Variants in PJVK observed in about 807,000 individuals in gnomAD.
The protein encoded by PJVK is pejvakin.
In PJVK, 33 loss-of-function variants were observed where a neutral mutation model predicts 37.6. That is an observed-to-expected ratio of 0.88 (90% CI 0.67 to 1.17). The LOEUF is 1.17. Among genes scored for constraint, PJVK ranks in the 50% most tolerant of loss-of-function variants. The pLI is 0.00. For synonymous variants in PJVK, 141 were observed against 143.5 expected, an observed-to-expected ratio of 0.98 and a Z score of 0.13; for missense variants, 410 against 413.8, an observed-to-expected ratio of 0.99 and a Z score of 0.08.
intron 1 of PJVK, chr2:178,451,976 A>G (rs764492133): frequency 1.4e-4 from 69 of 504,974 alleles, no homozygotes; most frequent in Admixed American, 3.2e-4. Flanking sequence ...GCACAATGCT[A>G]TTCGTACGAA....
Position 178,454,417 on chromosome 2 carries a change from C to T in PJVK, c.297C>T (p.Asp99=), listed in dbSNP as rs375853744. 54 of 1,613,766 alleles carry T rather than the reference C, an allele frequency of 3.3e-5. No individual in the cohort carries two copies. The highest frequency in any genetic ancestry group is 1.9e-4 in the African/African-American group (14 of 74,878). The stretch of plus-strand genomic sequence containing the variant: ...GGCGAGGTAACCATATTGTAAATGA[C>T]GTTGGGATTAACGTTGCTGGATCAG... The part of the protein sequence containing the change: ...YGRRGNHIVN[D]VGINVAGSDS... Residue 99 remains aspartate, a synonymous_variant, in exon 3 of 7, where the codon GAC becomes GAT. Coordinates refer to ENST00000644580, the MANE Select transcript of PJVK (RefSeq NM_001042702.5).
intron 2 of PJVK, chr2:178,454,012 G>C (rs532392747): frequency 6.3e-6 from 2 of 318,990 alleles, no homozygotes; most frequent in South Asian, 7.6e-5. Context: ...TGTATTGAAG[G>C]GTAGGTTATA....
At position 178,451,717 on chromosome 2, in the gene PJVK, C is replaced by T. The variant is rs1697673886; in HGVS notation, c.-75C>T. 4 of 963,644 alleles carry T rather than the reference C, an allele frequency of 4.2e-6. No individual in the cohort carries two copies. Among genetic ancestry groups the T allele is most frequent in the Non-Finnish European group, 3.7e-6 (3 of 810,220 alleles). 59.7% of individuals were successfully genotyped at this position (963,644 alleles called of 1,614,324 possible). A position where few individuals can be genotyped will look rare whatever the true frequency, so the allele number is the denominator to read the frequency against. On this transcript the variant is annotated 5_prime_UTR_variant, in exon 1 of 7. Transcript: ENST00000644580. The stretch of plus-strand genomic sequence containing the variant: ...GACGTCCAAACACCCGCTCCTCTCC[C>T]GCCGGGCGGGCTCCTTTGTCTTCTG...
In PJVK at chr2:178,461,532, T is replaced by C. The variant is rs539407734; in HGVS notation, c.*258T>C. On this transcript the variant is annotated 3_prime_UTR_variant, in exon 7 of 7. Transcript: ENST00000644580. The stretch of plus-strand genomic sequence containing the variant: ...TATAAAATTCAGAGATTATGAATCA[T>C]GCCAGTCACTTTAGAATCATTTTTG... 3.2e-4 allele frequency: 129 copies of C among 404,220 alleles called. 2 individuals carry two copies. The South Asian group carries it at 3.3e-3, about 10-fold the overall frequency. 25.0% of individuals were successfully genotyped at this position (404,220 alleles called of 1,614,324 possible).
chr2:178,451,725 G>A lies in PJVK; in HGVS notation c.-67G>A, dbSNP rs1697674562. On this transcript the variant is annotated 5_prime_UTR_variant, in exon 1 of 7. Coordinates refer to ENST00000644580, the MANE Select transcript of PJVK (RefSeq NM_001042702.5). Reference sequence around the variant, plus strand: ...AACACCCGCTCCTCTCCCGCCGGGCGGGCTCCTTTGTCTTCTGGGCTTTCG... The same window carrying A: ...AACACCCGCTCCTCTCCCGCCGGGCAGGCTCCTTTGTCTTCTGGGCTTTCG... 1.0e-6 allele frequency: 1 copy of A among 973,248 alleles called. No individual in the cohort carries two copies. The allele number at this position is 973,248 out of a possible 1,614,324, so 60.3% of individuals were successfully genotyped here.
In PJVK at chr2:178,452,223, G is replaced by A. The variant is rs551107227; in HGVS notation, c.-23+454G>A. On this transcript the variant is annotated intron_variant, in intron 1 of 6. Coordinates refer to ENST00000644580, the MANE Select transcript of PJVK (RefSeq NM_001042702.5). ...CAGGAGAATCGCTTGAACCCGGGAG[G>A]CAAATGTTGCAGTGAGCCGAGATCG... 22 of 871,600 alleles carry A rather than the reference G, an allele frequency of 2.5e-5. No individual in the cohort carries two copies. In the South Asian group the frequency reaches 1.1e-3, roughly 42 times the overall value. 54.0% of individuals were successfully genotyped at this position (871,600 alleles called of 1,614,324 possible).
In PJVK at chr2:178,461,214, G is replaced by A; in HGVS notation, c.999G>A (p.Gln333=). ...GCTTTCAGTGTTCTGTTGATGGTCA[G>A]AAGTATGTGAGACTTCATGCAGTTC... ...YGCFQCSVDG[Q]KYVRLHAVPC... The change falls in exon 7 of 7, where the codon CAG becomes CAA. Residue 333 remains glutamine (Q), a synonymous_variant. Transcript: ENST00000644580. The A allele has an allele frequency of 6.2e-7, 1 of 1,614,184 alleles. No homozygotes were observed. Among genetic ancestry groups the A allele is most frequent in the Non-Finnish European group, 8.5e-7 (1 of 1,180,026 alleles).
chr2:178,455,045 C>T (rs1249553662), intron 3 of PJVK: 45 of 1,276,998 alleles, frequency 3.5e-5, no homozygotes, highest in Admixed American at 8.4e-5. Flanking sequence ...CATCCAACGG[C>T]GGCACCTCCA....
In PJVK at chr2:178,454,038, T is replaced by G. The variant is rs1697893922; in HGVS notation, c.212-294T>G. 1.2e-5 allele frequency: 4 copies of G among 327,700 alleles called. No individual in the cohort carries two copies. In the South Asian group the frequency reaches 1.6e-4, roughly 13 times the overall value. The allele number at this position is 327,700 out of a possible 1,614,324, so 20.3% of individuals were successfully genotyped here. On this transcript the variant is annotated intron_variant, in intron 2 of 6. Coordinates refer to ENST00000644580, the MANE Select transcript of PJVK (RefSeq NM_001042702.5). ...GTAGGTTATATAATAAGCTGATATT[T>G]TGATGAGTTACTACTTATAAACGCT...
intron 4 of PJVK, among the ~76,000 whole-genome samples, chr2:178,457,698 G>GA (rs1267816584): frequency 6.6e-6 from 1 of 152,172 alleles, no homozygotes; most frequent in Admixed American, 6.5e-5. Context: ...GGGCTCAGCT[G>GA]ACGACCATGG....
chr2:178,457,130 G>A (rs563740011), intron 4 of PJVK, among the ~76,000 whole-genome samples: 16 of 152,142 alleles, frequency 1.1e-4, no homozygotes, highest in South Asian at 2.1e-4. Flanking sequence ...CACCACGCCC[G>A]GCAGTGTTAT....
At chr2:178,455,860 T>G in intron 3 of PJVK, 150 bp from the exon 4 acceptor site, 1 of 823,320 alleles carries the variant, frequency 1.2e-6, no homozygotes, top group African/African-American at 1.7e-5. Context: ...AATTATTACA[T>G]TTCTTTTGGG....
Position 178,456,089 on chromosome 2 carries a change from A to C in PJVK, c.487A>C (p.Ile163Leu). 1 of 1,614,206 alleles carries C rather than the reference A, an allele frequency of 6.2e-7. No individual in the cohort carries two copies. The change falls in exon 4 of 7, where the codon ATC (isoleucine) becomes CTC (leucine). Residue 163 changes from isoleucine (I) to leucine (L), a missense_variant. Ile to Leu is a conservative substitution (Grantham distance 5). Coordinates refer to ENST00000644580, the MANE Select transcript of PJVK (RefSeq NM_001042702.5). ...AGTATTGTGTGTGGTCATGGAGAGC[A>C]TCCGAACCACACGACAGTGCTCACT... ...KAVLCVVMES[I>L]RTTRQCSLSV...
At position 178,453,976 on chromosome 2, in the gene PJVK, C is replaced by T. The variant is rs184796190; in HGVS notation, c.211+356C>T. 407 of 310,394 alleles carry T rather than the reference C, an allele frequency of 1.3e-3. 2 individuals are homozygous for T. Among genetic ancestry groups the T allele is most frequent in the Non-Finnish European group, 1.6e-3 (245 of 155,996 alleles). 19.2% of individuals were successfully genotyped at this position (310,394 alleles called of 1,614,324 possible). On this transcript the variant is annotated intron_variant, in intron 2 of 6. Coordinates refer to ENST00000644580, the MANE Select transcript of PJVK (RefSeq NM_001042702.5). ...TAATTTGTATTTATTTTTTACAATT[C>T]AATTATTACAATTGGTAAACTGAAA...
At position 178,451,786 on chromosome 2, in the gene PJVK, A is replaced by G; in HGVS notation, c.-23+17A>G. On this transcript the variant is annotated intron_variant, in intron 1 of 6. Coordinates refer to ENST00000644580, the MANE Select transcript of PJVK (RefSeq NM_001042702.5). ...GAACGCTGGGTCAGTGCATCCCAGCAAAACACGTTAGGAGTAAACGAAGGC... is the reference window on the plus strand; with the variant it reads ...GAACGCTGGGTCAGTGCATCCCAGCGAAACACGTTAGGAGTAAACGAAGGC... The G allele has an allele frequency of 2.0e-6, 2 of 985,434 alleles. No individual in the cohort carries two copies. The highest frequency in any genetic ancestry group is 2.4e-6 in the Non-Finnish European group (2 of 829,940). The allele number at this position is 985,434 out of a possible 1,614,324, so 61.0% of individuals were successfully genotyped here.
chr2:178,453,790 G>T, intron 2 of PJVK, 170 bp downstream of exon 2: 1 of 586,532 alleles, frequency 1.7e-6, no homozygotes, highest in Non-Finnish European at 3.1e-6. Flanking sequence ...CCAAAAGTTT[G>T]TATAATATCA....
intron 1 of PJVK, chr2:178,452,744 GT>G: frequency 2.3e-6 from 1 of 437,238 alleles, no homozygotes; most frequent in Non-Finnish European, 3.0e-6. Flanking sequence ...CTAGGTAATA[GT>G]TTATATAGTT....
Position 178,454,472 on chromosome 2 carries a change from A to G in PJVK, c.352A>G (p.Ile118Val), listed in dbSNP as rs1378202753. 5.6e-6 allele frequency: 9 copies of G among 1,613,844 alleles called. No individual in the cohort carries two copies. The highest frequency in any genetic ancestry group is 2.2e-5 in the East Asian group (1 of 44,836). The change falls in exon 3 of 7, where the codon ATA (isoleucine) becomes GTA (valine). Residue 118 changes from isoleucine to valine, a missense_variant. By Grantham distance (29) the Ile-to-Val change is conservative (BLOSUM62 3). Coordinates refer to ENST00000644580, the MANE Select transcript of PJVK (RefSeq NM_001042702.5). ...DSIAVKASFG[I>V]VTKHEVEVST... is the part of the protein sequence containing the mutation. ...CATTGCAGTGAAAGCTTCATTTGGT[A>G]TAGTAACCAAACATGAAGTGGAAGT... is the stretch of plus-strand genomic sequence containing the variant.
At chr2:178,457,842 G>A (rs567820537) in intron 4 of PJVK, among the ~76,000 whole-genome samples, 1 of 152,318 alleles carries the variant, frequency 6.6e-6, no homozygotes, top group South Asian at 2.1e-4. Context: ...CTGGGTGACA[G>A]AGAGAGACCC....
Sources: gnomAD v4.1 joint callset for allele counts (sites outside exome capture counted in the v4.1 genomes callset) on GRCh38, gnomAD v4.1.1 for gene constraint, MANE v1.5 for transcripts, NCBI Gene and HGNC (gene_info 2026-07-23, HGNC 2026-07-21) for gene names.